The following PCNX2 variants were observed in gnomAD, a reference collection of about 807,000 sequenced individuals.
PCNX2 encodes pecanex 2, also known as pecanex-like protein 2.
A neutral mutation model predicts 223.8 loss-of-function variants in PCNX2; 168 were observed. That is an observed-to-expected ratio of 0.75 (90% CI 0.66 to 0.85). PCNX2 has a LOEUF of 0.85. Among genes scored for constraint, PCNX2 ranks in the 40% least tolerant of loss-of-function variants. PCNX2 has a pLI of 0.00. For synonymous variants in PCNX2, 1,006 were observed against 1,052.6 expected (o/e 0.96, Z 0.86); for missense variants, 2,507 against 2,675.5 (o/e 0.94, Z 1.39).
At chr1:233,040,850 T>C (rs6424271) in intron 25 of PCNX2, among the ~76,000 whole-genome samples, 16,532 of 152,228 alleles carry the variant, frequency 0.11, 1,192 homozygotes, top group African/African-American at 0.2. Flanking sequence ...AGTGATAACC[T>C]TAGACTTTGA....
At chr1:233,211,484 G>A (rs1358524906) in intron 12 of PCNX2, among the ~76,000 whole-genome samples, 21 of 152,144 alleles carry the variant, frequency 1.4e-4, no homozygotes, top group Admixed American at 1.4e-3. Context: ...GCTAATGTTT[G>A]TCTGGCCTTT....
chr1:233,199,626 A>G (rs537331309), intron 14 of PCNX2, among the ~76,000 whole-genome samples: 8 of 152,302 alleles, frequency 5.3e-5, no homozygotes, highest in African/African-American at 1.9e-4. Context: ...TCGTGAGATT[A>G]TATCCACCTT....
chr1:233,257,253 A>G (rs1659780180), intron 5 of PCNX2, among the ~76,000 whole-genome samples: 1 of 112,180 alleles, frequency 8.9e-6, no homozygotes, highest in African/African-American at 2.6e-5. Flanking sequence ...GCACCTCCTG[A>G]ACTTACTAGA....
chr1:233,316,071 C>T, the PCNX2 span, among the ~76,000 whole-genome samples: 5 of 152,196 alleles, frequency 3.3e-5, no homozygotes, highest in Non-Finnish European at 7.3e-5. Context: ...TTTCTGGAAC[C>T]ACTCAGGTTT....
intron 19 of PCNX2, among the ~76,000 whole-genome samples, chr1:233,141,242 C>T (rs1677093719): frequency 6.6e-6 from 1 of 152,178 alleles, no homozygotes; most frequent in Non-Finnish European, 1.5e-5. Context: ...CATGACAGAT[C>T]TCAGGAAGTA....
chr1:233,116,778 G>A (rs1213073353), intron 21 of PCNX2, among the ~76,000 whole-genome samples: 3 of 151,646 alleles, frequency 2.0e-5, no homozygotes, highest in Non-Finnish European at 2.9e-5. Context: ...CCCAAGAGAA[G>A]AAAGAAAATA....
upstream of PCNX2, among the ~76,000 whole-genome samples, chr1:233,300,320 G>T (rs1662238426): frequency 6.6e-6 from 1 of 152,210 alleles, no homozygotes; most frequent in African/African-American, 2.4e-5. Context: ...GATTGAATTA[G>T]CTAGGGATGA....
intron 9 of PCNX2, among the ~76,000 whole-genome samples, chr1:233,229,533 G>A (rs1389082593): frequency 6.6e-6 from 1 of 152,126 alleles, no homozygotes; most frequent in African/African-American, 2.4e-5. Context: ...AGAATCAGGT[G>A]CACAGGAGCC....
rs181549547 is a variant in PCNX2, at chr1:233,049,269, C to A, written c.4351+4999G>T. On this transcript the variant is annotated intron_variant, in intron 25 of 33. Coordinates refer to ENST00000258229, the MANE Select transcript of PCNX2 (RefSeq NM_014801.4). ...TACTAGTAAACCAAATTAGGCAGCA[C>A]ATCAGAGTTAATTCACTATGATCAA... Among the ~76,000 whole-genome samples, 10 of 152,232 alleles carry A rather than the reference C, an allele frequency of 6.6e-5. No homozygotes were observed. In the East Asian group the frequency reaches 1.9e-3, roughly 29 times the overall value.
chr1:233,220,917 T>C (rs1272301080), intron 10 of PCNX2, among the ~76,000 whole-genome samples: 1 of 152,200 alleles, frequency 6.6e-6, no homozygotes, highest in Non-Finnish European at 1.5e-5. Flanking sequence ...GATTGATAGA[T>C]ACGTATACAG....
intron 21 of PCNX2, among the ~76,000 whole-genome samples, chr1:233,118,501 A>AAC (rs1675559671): frequency 6.6e-6 from 1 of 151,706 alleles, no homozygotes; most frequent in African/African-American, 2.4e-5. Flanking sequence ...CAAAAAAAAA[A>AAC]AAAAAAAAAA....
At chr1:233,221,758 T>G (rs701178) in intron 10 of PCNX2, among the ~76,000 whole-genome samples, 109,610 of 152,088 alleles carry the variant, frequency 0.72, 40,345 homozygotes, top group African/African-American at 0.86. Flanking sequence ...GAGTGAGGCT[T>G]ACAGAACTCC....
At chr1:233,297,754 T>C (rs6700744), upstream of PCNX2, among the ~76,000 whole-genome samples, 38,876 of 151,976 alleles carry the variant, frequency 0.26, 5,622 homozygotes, top group East Asian at 0.43. Flanking sequence ...TCAGATCTTA[T>C]CCTAGGCAAT....
At chr1:233,214,186 A>G (rs114320571) in intron 12 of PCNX2, among the ~76,000 whole-genome samples, 1 of 152,324 alleles carries the variant, frequency 6.6e-6, no homozygotes, top group African/African-American at 2.4e-5. Flanking sequence ...TATTTTGCAC[A>G]AACACAAAAA....
At chr1:233,268,619 G>A (rs776526407) in intron 1 of PCNX2, among the ~76,000 whole-genome samples, 3 of 152,124 alleles carry the variant, frequency 2.0e-5, no homozygotes, top group Non-Finnish European at 4.4e-5. Flanking sequence ...CTCCTTTCTG[G>A]AAGTTACCTA....
rs1382258374 is a variant in PCNX2 at position 233,139,867 on chromosome 1, A to T, written c.3518-12T>A. The stretch of plus-strand genomic sequence containing the variant: ...TAAATGGGCAACATCTGAAAGAAAT[A>T]TAAAAACCACTTAGAACAACCACCG... On this transcript the variant is annotated splice_polypyrimidine_tract_variant and intron_variant, in intron 19 of 33. Transcript: ENST00000258229. The surrounding 1 kb of genome is among the most constrained non-coding windows in gnomAD (Gnocchi z 4.4). 8.1e-6 allele frequency: 13 copies of T among 1,609,682 alleles called. No homozygotes were observed. In the South Asian group the frequency reaches 1.4e-4, roughly 18 times the overall value.
chr1:233,086,911 G>A (rs1363794758), intron 23 of PCNX2: 2 of 626,394 alleles, frequency 3.2e-6, no homozygotes, highest in African/African-American at 4.0e-5. Flanking sequence ...AGAGTGACAA[G>A]CTGAGAGCTG....
intron 1 of PCNX2, chr1:233,289,199 C>A: frequency 1.2e-6 from 1 of 844,036 alleles, no homozygotes; most frequent in Non-Finnish European, 2.1e-6. Context: ...ACTTTTTCTC[C>A]AATTCACATA....
intron 32 of PCNX2, among the ~76,000 whole-genome samples, chr1:232,997,736 C>A (rs1251326776): frequency 6.6e-6 from 1 of 152,180 alleles, no homozygotes; most frequent in African/African-American, 2.4e-5. Flanking sequence ...TTGGTTGCAG[C>A]CACCTCCTAG....
Sources: gnomAD v4.1 joint callset for allele counts (sites outside exome capture counted in the v4.1 genomes callset) on GRCh38, gnomAD v4.1.1 for gene constraint, Gnocchi (gnomAD v3.1) non-coding constraint, MANE v1.5 for transcripts, NCBI Gene and HGNC (gene_info 2026-07-23, HGNC 2026-07-21) for gene names.